The following GMDS variants were observed in gnomAD, a reference collection of about 807,000 sequenced individuals.
The protein encoded by GMDS is GDP-mannose 4,6-dehydratase.
A neutral mutation model predicts 49.9 loss-of-function variants in GMDS; 20 were observed. The ratio of observed to expected loss-of-function variants is 0.40; its 90% CI spans 0.28 to 0.58. The LOEUF is 0.58. Ranked by LOEUF, GMDS falls within the 20% of genes least tolerant of loss-of-function variation. The probability of loss-of-function intolerance (pLI) is 0.42; values close to 1 mark genes in which losing one functional copy is unlikely to be tolerated. For synonymous variants in GMDS, 177 were observed against 178.6 expected (o/e 0.99, Z 0.07); for missense variants, 362 against 481.4 (o/e 0.75, Z 2.32).
At chr6:1,993,570 C>T (rs1038044209) in intron 4 of GMDS, among the ~76,000 whole-genome samples, 1 of 152,070 alleles carries the variant, frequency 6.6e-6, no homozygotes, top group African/African-American at 2.4e-5. Context: ...AGGCAAGAAA[C>T]AAAAAAGTGC....
At chr6:1,869,134 G>A (rs1008520516) in intron 7 of GMDS, among the ~76,000 whole-genome samples, 4 of 152,182 alleles carry the variant, frequency 2.6e-5, no homozygotes, top group Admixed American at 2.0e-4. Flanking sequence ...GCTCTACTGG[G>A]GGAGATAGCT....
intron 7 of GMDS, among the ~76,000 whole-genome samples, chr6:1,779,038 G>T (rs1337590090): frequency 6.6e-6 from 1 of 152,056 alleles, no homozygotes; most frequent in Admixed American, 6.5e-5. Context: ...GAGTGAGGAG[G>T]GAGCGCTCAA....
intron 7 of GMDS, among the ~76,000 whole-genome samples, chr6:1,852,324 T>A (rs575563143): frequency 9.8e-5 from 15 of 152,292 alleles, no homozygotes; most frequent in Non-Finnish European, 2.1e-4. Context: ...AATCAAACAA[T>A]AAATTTACAG....
At chr6:1,688,580 CA>C (rs1765064481) in intron 9 of GMDS, among the ~76,000 whole-genome samples, 1 of 152,254 alleles carries the variant, frequency 6.6e-6, no homozygotes, top group Non-Finnish European at 1.5e-5. Flanking sequence ...TATTGAGTCA[CA>C]AATCCACTGC....
At chr6:2,005,399 C>A (rs1767097467) in intron 4 of GMDS, among the ~76,000 whole-genome samples, 1 of 152,170 alleles carries the variant, frequency 6.6e-6, no homozygotes, top group Non-Finnish European at 1.5e-5. Flanking sequence ...GATTTCAACT[C>A]TTTCAGGGGA....
At chr6:2,226,236 T>C (rs1428040356) in intron 1 of GMDS, among the ~76,000 whole-genome samples, 1 of 152,196 alleles carries the variant, frequency 6.6e-6, no homozygotes, top group Non-Finnish European at 1.5e-5. Context: ...TCCTGATTCC[T>C]GGGTAGAAAT....
chr6:2,149,693 C>T (rs1171948220), intron 1 of GMDS, among the ~76,000 whole-genome samples: 5 of 152,198 alleles, frequency 3.3e-5, no homozygotes, highest in Non-Finnish European at 7.3e-5. Flanking sequence ...CTTTAAAAAG[C>T]GTTAGAATAA....
chr6:1,714,698 A>G (rs1766109653), intron 9 of GMDS, among the ~76,000 whole-genome samples: 1 of 152,222 alleles, frequency 6.6e-6, no homozygotes, highest in Non-Finnish European at 1.5e-5. Context: ...GGCATTTCTT[A>G]TGGAGGCTCA....
chr6:2,053,268 C>A (rs1275853191), intron 4 of GMDS, among the ~76,000 whole-genome samples: 8 of 151,980 alleles, frequency 5.3e-5, no homozygotes, highest in Middle Eastern at 6.8e-3. Flanking sequence ...AAATATATAA[C>A]CATTCTATAA....
At chr6:1,998,913 C>T (rs1230648111) in intron 4 of GMDS, among the ~76,000 whole-genome samples, 1 of 151,740 alleles carries the variant, frequency 6.6e-6, no homozygotes, top group Admixed American at 6.6e-5. Flanking sequence ...ATTATACAAC[C>T]AATGCAAGAT....
chr6:1,706,077 T>C (rs1008872195), intron 9 of GMDS, among the ~76,000 whole-genome samples: 3 of 152,152 alleles, frequency 2.0e-5, no homozygotes, highest in Admixed American at 6.5e-5. Context: ...AATAGAATGA[T>C]TGGTACTATA....
chr6:1,655,413 T>G (rs1038495637), intron 9 of GMDS, among the ~76,000 whole-genome samples: 1 of 152,126 alleles, frequency 6.6e-6, no homozygotes, highest in African/African-American at 2.4e-5. Context: ...TTTTTTCAAT[T>G]GACACATTTT....
intron 5 of GMDS, 108 bp downstream of exon 5, chr6:1,960,666 C>G: frequency 1.5e-6 from 1 of 676,042 alleles, no homozygotes; most frequent in South Asian, 3.1e-5. Context: ...ACCTCACACC[C>G]AAATGACTTC....
intron 1 of GMDS, among the ~76,000 whole-genome samples, chr6:2,161,702 G>T (rs889228328): frequency 6.6e-6 from 1 of 152,198 alleles, no homozygotes; most frequent in Non-Finnish European, 1.5e-5. Flanking sequence ...AAGGACCTAC[G>T]TGGGGCTGGT....
intron 4 of GMDS, among the ~76,000 whole-genome samples, chr6:2,100,117 A>ACCTG (rs1773839085): frequency 6.6e-6 from 1 of 152,212 alleles, no homozygotes; most frequent in African/African-American, 2.4e-5. Context: ...ATGATTATAA[A>ACCTG]AATTCTGACA....
chr6:1,991,849 C>T (rs1765962205), intron 4 of GMDS, among the ~76,000 whole-genome samples: 1 of 152,186 alleles, frequency 6.6e-6, no homozygotes, highest in Non-Finnish European at 1.5e-5. Context: ...GGCACACAGT[C>T]CACCGTGACT....
intron 7 of GMDS, among the ~76,000 whole-genome samples, chr6:1,868,915 C>A (rs1482269799): frequency 2.6e-5 from 4 of 152,184 alleles, no homozygotes; most frequent in African/African-American, 9.7e-5. Context: ...TAATTTGTAT[C>A]TACTCTCCTT....
At chr6:1,829,629 G>A (rs1222878219) in intron 7 of GMDS, among the ~76,000 whole-genome samples, 2 of 152,188 alleles carry the variant, frequency 1.3e-5, no homozygotes, top group Admixed American at 1.3e-4. Context: ...TTGCAGAGAT[G>A]GGGTTCTGCC....
chr6:1,683,821 CT>C (rs1393948488), intron 9 of GMDS, among the ~76,000 whole-genome samples: 3 of 152,198 alleles, frequency 2.0e-5, no homozygotes, highest in African/African-American at 7.2e-5. Context: ...CACACTGCAC[CT>C]GTCCTAATGT....
Sources: gnomAD v4.1 joint callset for allele counts (sites outside exome capture counted in the v4.1 genomes callset) on GRCh38, gnomAD v4.1.1 for gene constraint, MANE v1.5 for transcripts, NCBI Gene and HGNC (gene_info 2026-07-23, HGNC 2026-07-21) for gene names.